DIRAS2: variants seen among roughly 807,000 people sequenced by gnomAD.
DIRAS2 encodes GTP-binding protein Di-Ras2.
DIRAS2 carries 5 observed loss-of-function variants against 13.9 expected under a neutral mutation model. The ratio of observed to expected loss-of-function variants is 0.36; its 90% CI spans 0.19 to 0.76. DIRAS2 has a LOEUF of 0.76. Among genes scored for constraint, DIRAS2 ranks in the 30% least tolerant of loss-of-function variants. DIRAS2 has a pLI of 0.53. For missense variants in DIRAS2, 191 were observed against 263.0 expected (o/e 0.73, Z 1.89); for synonymous variants, 111 against 105.4 (o/e 1.05, Z -0.33).
chr9:90,635,441 TA>T (rs1051220564), intron 1 of DIRAS2, among the ~76,000 whole-genome samples: 7 of 152,308 alleles, frequency 4.6e-5, no homozygotes, highest in African/African-American at 1.7e-4. Flanking sequence ...AATATTCATT[TA>T]AAAAAATGCA....
chr9:90,634,486 C>T (rs955280856), intron 1 of DIRAS2, among the ~76,000 whole-genome samples: 1 of 152,198 alleles, frequency 6.6e-6, no homozygotes, highest in Non-Finnish European at 1.5e-5. Context: ...GGCTTCCAGT[C>T]AAGGCCAGGA....
chr9:90,630,198 A>G (rs1008624462), intron 1 of DIRAS2, among the ~76,000 whole-genome samples: 4 of 152,246 alleles, frequency 2.6e-5, no homozygotes, highest in African/African-American at 9.6e-5. Flanking sequence ...AATGTCAGGT[A>G]CATCAGAAAC....
intron 1 of DIRAS2, among the ~76,000 whole-genome samples, chr9:90,634,164 G>T (rs929471749): frequency 2.6e-5 from 4 of 152,152 alleles, no homozygotes; most frequent in African/African-American, 9.7e-5. Flanking sequence ...AGGTCCTCCT[G>T]TGCCTGTGGA....
intron 1 of DIRAS2, among the ~76,000 whole-genome samples, chr9:90,614,199 G>A (rs571758548): frequency 2.1e-4 from 32 of 151,956 alleles, no homozygotes; most frequent in African/African-American, 6.0e-4. Flanking sequence ...AACTACCCCC[G>A]TAAAAACACA....
intron 1 of DIRAS2, among the ~76,000 whole-genome samples, chr9:90,640,742 C>A (rs1195989317): frequency 2.0e-5 from 3 of 152,178 alleles, no homozygotes; most frequent in African/African-American, 7.2e-5. Context: ...ACACCAAACA[C>A]TTTTTTTACT....
intron 1 of DIRAS2, among the ~76,000 whole-genome samples, chr9:90,627,656 T>G (rs1825283734): frequency 6.6e-6 from 1 of 152,208 alleles, no homozygotes; most frequent in Non-Finnish European, 1.5e-5. Flanking sequence ...ATTAATTACA[T>G]GCTTGAAAAT....
At chr9:90,617,301 T>C (rs772610208) in intron 1 of DIRAS2, among the ~76,000 whole-genome samples, 2 of 152,070 alleles carry the variant, frequency 1.3e-5, no homozygotes, top group Non-Finnish European at 2.9e-5. Flanking sequence ...AGATATCTGG[T>C]AGGTGATTGG....
intron 1 of DIRAS2, among the ~76,000 whole-genome samples, chr9:90,621,953 T>G (rs1261727067): frequency 6.6e-6 from 1 of 152,230 alleles, no homozygotes; most frequent in Non-Finnish European, 1.5e-5. Flanking sequence ...CACAGCCTGT[T>G]TCTAAATCCT....
At chr9:90,620,903 A>G (rs1825214108) in intron 1 of DIRAS2, among the ~76,000 whole-genome samples, 1 of 152,224 alleles carries the variant, frequency 6.6e-6, no homozygotes, top group Admixed American at 6.5e-5. Flanking sequence ...TTATATGACC[A>G]TTATCTAGAT....
chr9:90,619,368 A>G (rs1174685210), intron 1 of DIRAS2, among the ~76,000 whole-genome samples: 3 of 151,996 alleles, frequency 2.0e-5, no homozygotes, highest in African/African-American at 7.3e-5. Flanking sequence ...ACTTGAACCC[A>G]GGAGGCAGAG....
At chr9:90,628,126 C>T (rs915855039) in intron 1 of DIRAS2, among the ~76,000 whole-genome samples, 8 of 152,086 alleles carry the variant, frequency 5.3e-5, no homozygotes, top group Non-Finnish European at 1.2e-4. Context: ...AAAATGCACA[C>T]CTTCATGCTG....
chr9:90,640,419 G>T (rs1232210226), intron 1 of DIRAS2, among the ~76,000 whole-genome samples: 4 of 152,182 alleles, frequency 2.6e-5, no homozygotes, highest in African/African-American at 9.7e-5. Flanking sequence ...GAAAACTAAA[G>T]CATTATTTGA....
At chr9:90,621,681 T>C in intron 1 of DIRAS2, among the ~76,000 whole-genome samples, 1 of 152,230 alleles carries the variant, frequency 6.6e-6, no homozygotes. Flanking sequence ...AACAACTGTT[T>C]AAAAGAATGA....
intron 1 of DIRAS2, among the ~76,000 whole-genome samples, chr9:90,632,227 G>A (rs1167750311): frequency 6.6e-6 from 1 of 152,172 alleles, no homozygotes; most frequent in African/African-American, 2.4e-5. Context: ...CTCCCTGACA[G>A]TAACAGCTAA....
At chr9:90,640,126 A>G (rs546325089) in intron 1 of DIRAS2, among the ~76,000 whole-genome samples, 2 of 152,320 alleles carry the variant, frequency 1.3e-5, no homozygotes, top group South Asian at 4.1e-4. Context: ...TGGCTTAACT[A>G]TATCATTAAA....
chr9:90,613,981 C>T lies in DIRAS2; in HGVS notation c.-36-118G>A, dbSNP rs1182904233. 6 of 1,039,348 alleles carry T rather than the reference C, an allele frequency of 5.8e-6. No individual in the cohort carries two copies. The highest frequency in any genetic ancestry group is 6.8e-6 in the Non-Finnish European group (5 of 739,198). The allele number at this position is 1,039,348 out of a possible 1,614,324, so 64.4% of individuals were successfully genotyped here. A position where few individuals can be genotyped will look rare whatever the true frequency, so the allele number is the denominator to read the frequency against. On this transcript the variant is annotated intron_variant, in intron 1 of 1. Coordinates refer to ENST00000375765, the MANE Select transcript of DIRAS2 (RefSeq NM_017594.5). This position sits in a 1 kb window ranked among gnomAD's most constrained non-coding sequence, Gnocchi z 5.6. Reference sequence around the variant, plus strand: ...TGGGAGGTGATAACATTTAAAATAGCGACAATTCTAAATCCAATAAATTTG... The same window carrying T: ...TGGGAGGTGATAACATTTAAAATAGTGACAATTCTAAATCCAATAAATTTG...
At chr9:90,633,389 T>C (rs971185214) in intron 1 of DIRAS2, among the ~76,000 whole-genome samples, 2 of 152,154 alleles carry the variant, frequency 1.3e-5, no homozygotes, top group Non-Finnish European at 2.9e-5. Context: ...ATGAGATGAT[T>C]TGCTGAGAGA....
rs968571776 is a variant in DIRAS2 at position 90,642,792 on chromosome 9, T to A, written c.-77A>T. 3.9e-5 allele frequency: 6 copies of A among 152,430 alleles called. No individual in the cohort carries two copies. Among genetic ancestry groups the A allele is most frequent in the Admixed American group, 2.6e-4 (4 of 15,304 alleles). 9.4% of individuals were successfully genotyped at this position (152,430 alleles called of 1,614,324 possible). A position where few individuals can be genotyped will look rare whatever the true frequency, so the allele number is the denominator to read the frequency against. ...ACTCCGCTCAGAGCTTCTTCAGAGC[T>A]CCACTCGCGCAGGACAGGGCAGCGC... is the stretch of plus-strand genomic sequence containing the variant. On this transcript the variant is annotated 5_prime_UTR_variant, in exon 1 of 2. Coordinates refer to ENST00000375765, the MANE Select transcript of DIRAS2 (RefSeq NM_017594.5).
chr9:90,621,516 T>A (rs774589548), intron 1 of DIRAS2, among the ~76,000 whole-genome samples: 2 of 152,194 alleles, frequency 1.3e-5, no homozygotes, highest in Non-Finnish European at 2.9e-5. Flanking sequence ...CCTGACTGCA[T>A]TTTAATAATT....
Sources: gnomAD v4.1 joint callset for allele counts (sites outside exome capture counted in the v4.1 genomes callset) on GRCh38, gnomAD v4.1.1 for gene constraint, Gnocchi (gnomAD v3.1) non-coding constraint, MANE v1.5 for transcripts, NCBI Gene and HGNC (gene_info 2026-07-23, HGNC 2026-07-21) for gene names.